Variants in PALS2 observed in about 807,000 individuals in gnomAD.
PALS2 encodes the protein protein PALS2.
PALS2 carries 27 observed loss-of-function variants against 61.6 expected under a neutral mutation model. That is an observed-to-expected ratio of 0.44 (90% CI 0.32 to 0.60). PALS2 has a LOEUF of 0.60. PALS2 is among the 20% of genes least tolerant of loss of function. The pLI, the probability that PALS2 is intolerant of heterozygous loss-of-function variation, is 0.05. For missense variants in PALS2, 554 were observed against 639.4 expected (o/e 0.87, Z 1.44); for synonymous variants, 236 against 218.6 (o/e 1.08, Z -0.70).
intron 3 of PALS2, among the ~76,000 whole-genome samples, chr7:24,648,541 G>A (rs1785963624): frequency 6.6e-6 from 1 of 151,682 alleles, no homozygotes; most frequent in Non-Finnish European, 1.5e-5. Context: ...TGATCCACCT[G>A]CCTCGGCCTC....
chr7:24,601,967 C>T (rs972565283), intron 1 of PALS2, among the ~76,000 whole-genome samples: 26 of 152,176 alleles, frequency 1.7e-4, no homozygotes, highest in South Asian at 4.1e-4. Context: ...TTACATCTTT[C>T]ATTTCTGGAA....
intron 1 of PALS2, among the ~76,000 whole-genome samples, chr7:24,599,825 A>T (rs73286242): frequency 0.024 from 3,594 of 151,714 alleles, 165 homozygotes; most frequent in African/African-American, 0.083. Context: ...TTTTCTATTA[A>T]TTTTTTTTAA....
chr7:24,649,554 A>G (rs896817033), intron 3 of PALS2, 58 bp from the exon 4 acceptor site: 1 of 1,420,634 alleles, frequency 7.0e-7, no homozygotes, highest in Admixed American at 2.5e-5. Flanking sequence ...AAGTACTTTT[A>G]GTAACAAATT....
intron 2 of PALS2, 144 bp downstream of exon 2, chr7:24,623,928 T>TGTTA (rs1270138874): frequency 1.0e-6 from 1 of 968,072 alleles, no homozygotes; most frequent in Non-Finnish European, 1.5e-6. Flanking sequence ...TAATGAAATC[T>TGTTA]TAACATATGC....
chr7:24,687,357 A>G lies in PALS2; in HGVS notation c.1447-81A>G. On this transcript the variant is annotated intron_variant, in intron 11 of 11. Coordinates refer to ENST00000222644, the MANE Select transcript of PALS2 (RefSeq NM_001303037.2). The surrounding 1 kb of genome is among the most constrained non-coding windows in gnomAD (Gnocchi z 4.5). ...TACCAGAAATATATCTAACCTATTTATTATATTCACTTCTAGTTGGAGTTT... is the reference window on the plus strand; with the variant it reads ...TACCAGAAATATATCTAACCTATTTGTTATATTCACTTCTAGTTGGAGTTT... The G allele has an allele frequency of 9.5e-7, 1 of 1,051,134 alleles. No individual in the cohort carries two copies. Among genetic ancestry groups the G allele is most frequent in the Admixed American group, 2.3e-5 (1 of 43,744 alleles). 65.1% of individuals were successfully genotyped at this position (1,051,134 alleles called of 1,614,324 possible). A position where few individuals can be genotyped will look rare whatever the true frequency, so the allele number is the denominator to read the frequency against.
At position 24,618,986 on chromosome 7, in the gene PALS2, G is replaced by T. The variant is rs1185191673; in HGVS notation, c.-2-4680G>T. ...GTCTTTTTTTGATTAGACTAGCCAA[G>T]TATTTGTCTATTTAATTGGTCACTT... On this transcript the variant is annotated intron_variant, in intron 1 of 11. Coordinates refer to ENST00000222644, the MANE Select transcript of PALS2 (RefSeq NM_001303037.2). The surrounding 1 kb of genome is among the most constrained non-coding windows in gnomAD (Gnocchi z 5.1). 6.6e-6 allele frequency among the ~76,000 whole-genome samples: 1 copy of T among 152,164 alleles called. No homozygotes were observed. Among genetic ancestry groups the T allele is most frequent in the African/African-American group, 2.4e-5 (1 of 41,432 alleles).
chr7:24,598,468 CTGT>C (rs1419055560), intron 1 of PALS2, among the ~76,000 whole-genome samples: 1 of 152,118 alleles, frequency 6.6e-6, no homozygotes, highest in Non-Finnish European at 1.5e-5. Context: ...TAAAATAGTA[CTGT>C]TGTTCAGTTG....
intron 3 of PALS2, among the ~76,000 whole-genome samples, chr7:24,646,663 T>C (rs1325018404): frequency 6.6e-6 from 1 of 152,250 alleles, no homozygotes; most frequent in Non-Finnish European, 1.5e-5. Context: ...GAGGCTGCCC[T>C]CATAGAATTA....
chr7:24,687,162 A>G lies in PALS2; in HGVS notation c.1447-276A>G, dbSNP rs1247177758. Among the ~76,000 whole-genome samples, 2 of 152,190 alleles carry G rather than the reference A, an allele frequency of 1.3e-5. No individual in the cohort carries two copies. Among genetic ancestry groups the G allele is most frequent in the Non-Finnish European group, 2.9e-5 (2 of 68,032 alleles). On this transcript the variant is annotated intron_variant, in intron 11 of 11. Coordinates refer to ENST00000222644, the MANE Select transcript of PALS2 (RefSeq NM_001303037.2). This position sits in a 1 kb window ranked among gnomAD's most constrained non-coding sequence, Gnocchi z 4.5. ...GTTACTGTAGATTCATTCCAAGATTATTTTCAGCAGTCTTTTAATTAGGAA... is the reference window on the plus strand; with the variant it reads ...GTTACTGTAGATTCATTCCAAGATTGTTTTCAGCAGTCTTTTAATTAGGAA...
At chr7:24,682,947 C>T (rs1788010215) in intron 11 of PALS2, among the ~76,000 whole-genome samples, 1 of 152,008 alleles carries the variant, frequency 6.6e-6, no homozygotes, top group African/African-American at 2.4e-5. Context: ...TCAGGTTATT[C>T]AGGTTTTTGG....
chr7:24,621,226 G>A (rs749278953), intron 1 of PALS2, among the ~76,000 whole-genome samples: 2 of 151,942 alleles, frequency 1.3e-5, no homozygotes, highest in Middle Eastern at 3.4e-3. Context: ...CCTCTTGTTC[G>A]CTTCTTTACC....
At chr7:24,610,017 A>G (rs1351133219) in intron 1 of PALS2, among the ~76,000 whole-genome samples, 1 of 152,138 alleles carries the variant, frequency 6.6e-6, no homozygotes, top group Non-Finnish European at 1.5e-5. Flanking sequence ...CCACTAGGAT[A>G]CTTCCAGTGG....
chr7:24,611,087 A>G (rs1216021057), intron 1 of PALS2, among the ~76,000 whole-genome samples: 1 of 152,268 alleles, frequency 6.6e-6, no homozygotes, highest in East Asian at 1.9e-4. Flanking sequence ...TATATTAAGA[A>G]TAGCTCATTT....
intron 1 of PALS2, among the ~76,000 whole-genome samples, chr7:24,599,930 A>C (rs760513601): frequency 3.3e-5 from 5 of 152,054 alleles, no homozygotes; most frequent in Non-Finnish European, 4.4e-5. Flanking sequence ...TTCTACCTTC[A>C]CATCATGTCC....
intron 3 of PALS2, 35 bp downstream of exon 3, chr7:24,641,903 T>G (rs1785577637): frequency 6.3e-7 from 1 of 1,590,480 alleles, no homozygotes; most frequent in Admixed American, 1.7e-5. Flanking sequence ...TCAAGTTCCC[T>G]GTATTCCCAA....
At chr7:24,598,250 T>A (rs1414596148) in intron 1 of PALS2, among the ~76,000 whole-genome samples, 1 of 152,196 alleles carries the variant, frequency 6.6e-6, no homozygotes, top group African/African-American at 2.4e-5. Flanking sequence ...TCTACAACAT[T>A]TGAAACAGGT....
chr7:24,622,683 C>CTTTTTTTTT (rs70942815), intron 1 of PALS2, among the ~76,000 whole-genome samples: 17 of 135,688 alleles, frequency 1.3e-4, no homozygotes, highest in South Asian at 2.3e-4. Flanking sequence ...TTTCTTTTTT[C>CTTTTTTTTT]TTTTTTTTTT....
At chr7:24,673,033 G>A (rs1787379882) in intron 9 of PALS2, among the ~76,000 whole-genome samples, 1 of 152,132 alleles carries the variant, frequency 6.6e-6, no homozygotes, top group Non-Finnish European at 1.5e-5. Flanking sequence ...CATTTTAGCT[G>A]TGGGTTTTTC....
At chr7:24,662,768 G>GAAAAAAAAAAAAAAAAAAAAAAAAAAA (rs59367702) in intron 5 of PALS2, among the ~76,000 whole-genome samples, 1 of 102,614 alleles carries the variant, frequency 9.7e-6, no homozygotes, top group Non-Finnish European at 2.3e-5. Flanking sequence ...GACTCCATCT[G>GAAAAAAAAAAAAAAAAAAAAAAAAAAA]AAAAAAAAAA....
Sources: allele counts gnomAD v4.1 joint callset (sites outside exome capture counted in the v4.1 genomes callset), GRCh38; gene constraint gnomAD v4.1.1; non-coding constraint Gnocchi (gnomAD v3.1); transcripts MANE v1.5; gene names NCBI Gene and HGNC (gene_info 2026-07-23, HGNC 2026-07-21).